The following TMC5 variants were observed in gnomAD, a reference collection of about 807,000 sequenced individuals.
The protein encoded by TMC5 is transmembrane channel like 5.
TMC5 carries 86 observed loss-of-function variants against 110.5 expected under a neutral mutation model. The observed-to-expected ratio is 0.78, with a 90% CI of 0.65 to 0.93. The LOEUF is 0.93. Ranked by LOEUF, TMC5 falls within the 40% of genes least tolerant of loss-of-function variation. TMC5 has a pLI of 0.00. For missense variants in TMC5, 1,144 were observed against 1,222.8 expected (o/e 0.94, Z 0.96); for synonymous variants, 455 against 439.5 (o/e 1.04, Z -0.44).
intron 13 of TMC5, among the ~76,000 whole-genome samples, chr16:19,479,163 C>T (rs578076843): frequency 2.6e-5 from 4 of 152,088 alleles, no homozygotes; most frequent in African/African-American, 9.6e-5. Flanking sequence ...AAAAGTTTTA[C>T]GGGGAGAGAT....
intron 2 of TMC5, among the ~76,000 whole-genome samples, chr16:19,435,260 G>A (rs543311829): frequency 2.2e-4 from 33 of 151,768 alleles, no homozygotes; most frequent in African/African-American, 7.7e-4. Flanking sequence ...GGGACGCCAA[G>A]GCGGGTGGAT....
chr16:19,462,300 T>C lies in TMC5; in HGVS notation c.1149-980T>C, dbSNP rs942752653. Among the ~76,000 whole-genome samples the C allele has an allele frequency of 6.6e-5, 10 of 152,164 alleles. No individual in the cohort carries two copies. In the East Asian group the frequency reaches 9.6e-4, roughly 15 times the overall value. On this transcript the variant is annotated intron_variant, in intron 6 of 21. Coordinates refer to ENST00000542583, the MANE Select transcript of TMC5 (RefSeq NM_001261841.2). Reference sequence around the variant, plus strand: ...TGTGTAGCAGCATCTCTGATCTCTATGTACTTGATGCCAATATCACCCCCT... The same window carrying C: ...TGTGTAGCAGCATCTCTGATCTCTACGTACTTGATGCCAATATCACCCCCT...
At position 19,434,004 on chromosome 16, in the gene TMC5, T is replaced by G. The variant is rs554781674; in HGVS notation, c.-80+3364T>G. ...CCAGCTAATTTATATATATATATATTATATATATAATATATATATAAATCT... is the reference window on the plus strand; with the variant it reads ...CCAGCTAATTTATATATATATATATGATATATATAATATATATATAAATCT... On this transcript the variant is annotated intron_variant, in intron 2 of 21. Coordinates refer to ENST00000542583, the MANE Select transcript of TMC5 (RefSeq NM_001261841.2). Among the ~76,000 whole-genome samples, 420 of 85,350 alleles carry G rather than the reference T, an allele frequency of 4.9e-3. 1 individual carries two copies. The highest frequency in any genetic ancestry group is 9.2e-3 in the South Asian group (28 of 3,050). The allele number at this position is 85,350 out of a possible 152,430, so 56.0% of individuals were successfully genotyped here.
At position 19,440,519 on chromosome 16, in the gene TMC5, C is replaced by A. The variant is rs1475873771; in HGVS notation, c.481C>A (p.Pro161Thr). The A allele has an allele frequency of 6.2e-7, 1 of 1,614,150 alleles. No individual in the cohort carries two copies. ...THPDHFGSLEPDYPGAQSNSD... is the reference protein window; with the variant it reads ...THPDHFGSLETDYPGAQSNSD... ...TCCAGATCATTTTGGCTCCTTAGAA[C>A]CGGACTACCCTGGAGCTCAGAGCAA... The change falls in exon 3 of 22, where the codon CCG (proline) becomes ACG (threonine). Residue 161 changes from proline to threonine, a missense_variant. Physicochemically the swap from Pro to Thr is conservative, Grantham distance 38. Coordinates refer to ENST00000542583, the MANE Select transcript of TMC5 (RefSeq NM_001261841.2).
chr16:19,433,161 A>C (rs1967229620), intron 2 of TMC5, among the ~76,000 whole-genome samples: 1 of 152,166 alleles, frequency 6.6e-6, no homozygotes, highest in Admixed American at 6.5e-5. Flanking sequence ...ACTATCTCAA[A>C]ATCTAAATGT....
intron 5 of TMC5, among the ~76,000 whole-genome samples, chr16:19,456,206 CAAAA>C (rs1327242387): frequency 4.8e-5 from 6 of 125,016 alleles, no homozygotes; most frequent in Non-Finnish European, 6.6e-5. Context: ...GACTCCATCT[CAAAA>C]AAAAAAATAT....
chr16:19,464,131 C>G, intron 8 of TMC5, 107 bp downstream of exon 8: 1 of 1,280,838 alleles, frequency 7.8e-7, no homozygotes, highest in Non-Finnish European at 1.1e-6. Flanking sequence ...TGGGGGTCAA[C>G]TGATGGGGAA....
At chr16:19,449,430 C>A (rs1248639500) in intron 4 of TMC5, 112 bp from the exon 5 acceptor site, 2 of 870,698 alleles carry the variant, frequency 2.3e-6, no homozygotes, top group Non-Finnish European at 1.9e-6. Flanking sequence ...AAGACCAGGT[C>A]TCAGTCTTAT....
chr16:19,467,085 G>A (rs1968209289), intron 9 of TMC5, among the ~76,000 whole-genome samples: 1 of 152,082 alleles, frequency 6.6e-6, no homozygotes, highest in Non-Finnish European at 1.5e-5. Flanking sequence ...GGTCGAGGCT[G>A]CAGTGAGCTG....
chr16:19,434,755 T>C (rs1303695836), intron 2 of TMC5, among the ~76,000 whole-genome samples: 4 of 152,170 alleles, frequency 2.6e-5, no homozygotes, highest in Non-Finnish European at 5.9e-5. Context: ...ATAGCTTCCA[T>C]TCAGTGACTG....
intron 5 of TMC5, among the ~76,000 whole-genome samples, chr16:19,455,328 G>C (rs1190897904): frequency 6.6e-6 from 1 of 152,044 alleles, no homozygotes; most frequent in Non-Finnish European, 1.5e-5. Flanking sequence ...GGCTGAGGCA[G>C]GAGAATTGCC....
At chr16:19,425,295 T>G (rs1254689629) in intron 1 of TMC5, among the ~76,000 whole-genome samples, 2 of 151,328 alleles carry the variant, frequency 1.3e-5, no homozygotes, top group Non-Finnish European at 2.9e-5. Context: ...TGTCACTTAA[T>G]CTGAGCCATT....
chr16:19,462,476 G>A lies in TMC5; in HGVS notation c.1149-804G>A, dbSNP rs747194962. The A allele has an allele frequency of 3.3e-5, 23 of 700,268 alleles. 3 individuals carry two copies. In the South Asian group the frequency reaches 3.4e-4, roughly 10 times the overall value. The allele number at this position is 700,268 out of a possible 1,614,324, so 43.4% of individuals were successfully genotyped here. On this transcript the variant is annotated intron_variant, in intron 6 of 21. Transcript: ENST00000542583. ...ACTGGGTGATTTATAAAGGAAAGAG[G>A]TTTAATGGACTCACTGTTCCACACA... is the stretch of plus-strand genomic sequence containing the variant.
intron 5 of TMC5, chr16:19,456,902 G>T (rs749565387): frequency 1.2e-6 from 2 of 1,614,068 alleles, no homozygotes; most frequent in Non-Finnish European, 1.7e-6. Flanking sequence ...TGACCAAAAG[G>T]GTAACCAGGT....
rs1967173047 is a variant in TMC5, at chr16:19,430,493, T to G, written c.-227T>G. 6.6e-6 allele frequency: 1 copy of G among 152,352 alleles called. No individual in the cohort carries two copies. Among genetic ancestry groups the G allele is most frequent in the Admixed American group, 6.6e-5 (1 of 15,250 alleles). 9.4% of individuals were successfully genotyped at this position (152,352 alleles called of 1,614,324 possible). On this transcript the variant is annotated 5_prime_UTR_variant, in exon 2 of 22. Transcript: ENST00000542583. The stretch of plus-strand genomic sequence containing the variant: ...ATCACAGATTATAACCCTCCGTAAA[T>G]CATCTGCATCCCAGCTCCCATCAAA...
chr16:19,441,472 T>A (rs1057015182), intron 3 of TMC5, among the ~76,000 whole-genome samples: 1 of 151,852 alleles, frequency 6.6e-6, no homozygotes, highest in Non-Finnish European at 1.5e-5. Flanking sequence ...GGTGTGCACC[T>A]ATTATGCCCG....
chr16:19,471,870 C>T (rs1053688229), intron 10 of TMC5, among the ~76,000 whole-genome samples: 2 of 152,222 alleles, frequency 1.3e-5, no homozygotes, highest in African/African-American at 4.8e-5. Flanking sequence ...AAGTGATTCT[C>T]CTGCCTCAGC....
intron 10 of TMC5, 114 bp downstream of exon 10, chr16:19,469,939 G>A: frequency 8.2e-7 from 1 of 1,221,180 alleles, no homozygotes. Flanking sequence ...CTGTCGCCCA[G>A]GCTGGAGTGC....
At chr16:19,420,085 C>A (rs1225971596) in intron 1 of TMC5, among the ~76,000 whole-genome samples, 1 of 152,088 alleles carries the variant, frequency 6.6e-6, no homozygotes, top group Non-Finnish European at 1.5e-5. Context: ...CCTTAGCCTC[C>A]TAAGTAGCTG....
Sources: allele counts gnomAD v4.1 joint callset (sites outside exome capture counted in the v4.1 genomes callset), GRCh38; gene constraint gnomAD v4.1.1; transcripts MANE v1.5; gene names NCBI Gene and HGNC (gene_info 2026-07-23, HGNC 2026-07-21).